Variants in PKP4 observed in about 807,000 individuals in gnomAD.
The protein encoded by PKP4 is plakophilin 4.
In PKP4, 90 loss-of-function variants were observed where a neutral mutation model predicts 145.1. The observed-to-expected ratio is 0.62, with a 90% confidence interval of 0.52 to 0.74. PKP4 has a LOEUF of 0.74. PKP4 is among the 30% of genes least tolerant of loss of function. The pLI, the probability that PKP4 is intolerant of heterozygous loss-of-function variation, is 0.00. For synonymous variants in PKP4, 563 were observed against 577.2 expected (o/e 0.98, Z 0.35); for missense variants, 1,340 against 1,482.7 (o/e 0.90, Z 1.58).
chr2:158,674,546 C>T (rs371104019), intron 19 of PKP4, among the ~76,000 whole-genome samples: 35 of 152,348 alleles, frequency 2.3e-4, no homozygotes, highest in African/African-American at 8.2e-4. Flanking sequence ...CCAGCATCTG[C>T]TGCTAATGGA....
Position 158,624,978 on chromosome 2 carries a change from G to A in PKP4, c.704G>A (p.Gly235Glu). The change falls in exon 7 of 22, where the codon GGG becomes GAG. Residue 235 changes from glycine to glutamate, a missense_variant. By Grantham distance (98) the Gly-to-Glu change is moderately conservative. Coordinates refer to ENST00000389759, the MANE Select transcript of PKP4 (RefSeq NM_003628.6). ...VISTGVSPSR[G>E]SLRTSLGSGF... is the part of the protein sequence containing the mutation. Reference sequence around the variant, plus strand: ...AGCACAGGCGTGTCTCCTTCAAGGGGGTCTCTGAGAACTTCTCTGGGTAGT... The same window carrying A: ...AGCACAGGCGTGTCTCCTTCAAGGGAGTCTCTGAGAACTTCTCTGGGTAGT... The A allele has an allele frequency of 1.2e-6, 2 of 1,614,092 alleles. No individual in the cohort carries two copies. The highest frequency in any genetic ancestry group is 3.3e-5 in the Admixed American group (2 of 60,008).
At chr2:158,544,575 A>G (rs2044809981) in intron 2 of PKP4, among the ~76,000 whole-genome samples, 1 of 152,118 alleles carries the variant, frequency 6.6e-6, no homozygotes, top group Non-Finnish European at 1.5e-5. Context: ...CATTCTGATG[A>G]TATGTAGGCT....
chr2:158,508,366 CAAAA>C (rs747754927), intron 1 of PKP4, among the ~76,000 whole-genome samples: 3 of 115,886 alleles, frequency 2.6e-5, no homozygotes, highest in South Asian at 5.1e-4. Context: ...AACTCCGTCT[CAAAA>C]AAAAAAAAAA....
chr2:158,676,919 A>G, intron 20 of PKP4, 52 bp downstream of exon 20: 2 of 1,611,978 alleles, frequency 1.2e-6, no homozygotes, highest in Non-Finnish European at 1.7e-6. Flanking sequence ...CCGCATTTCC[A>G]GGCGCTTGGC....
intron 9 of PKP4, among the ~76,000 whole-genome samples, chr2:158,636,605 T>TC (rs2053831072): frequency 6.6e-6 from 1 of 152,182 alleles, no homozygotes. Flanking sequence ...AGTTTTTTTT[T>TC]CTGCCCCAAA....
At chr2:158,668,191 G>A (rs1303790469) in intron 16 of PKP4, among the ~76,000 whole-genome samples, 16 of 142,942 alleles carry the variant, frequency 1.1e-4, no homozygotes, top group Admixed American at 3.5e-4. Context: ...TTTTTAACCT[G>A]GCTGGAGCAC....
intron 1 of PKP4, among the ~76,000 whole-genome samples, chr2:158,521,869 G>A (rs751930712): frequency 1.3e-5 from 2 of 152,016 alleles, no homozygotes; most frequent in Admixed American, 6.6e-5. Context: ...AAAATATTTT[G>A]TTCATCTAAT....
intron 21 of PKP4, chr2:158,678,864 T>G: frequency 1.7e-6 from 1 of 589,970 alleles, no homozygotes; most frequent in South Asian, 2.1e-5. Context: ...TCGGTACTGC[T>G]GAGACCACCG....
intron 17 of PKP4, among the ~76,000 whole-genome samples, chr2:158,672,335 T>G (rs917679344): frequency 6.6e-6 from 1 of 152,246 alleles, no homozygotes; most frequent in Non-Finnish European, 1.5e-5. Context: ...GCTTTTCTCA[T>G]GGGTCAGGTT....
intron 12 of PKP4, 66 bp from the exon 13 acceptor site, chr2:158,661,267 T>C: frequency 1.7e-6 from 2 of 1,183,028 alleles, no homozygotes; most frequent in Non-Finnish European, 2.5e-6. Flanking sequence ...ATCCTTAAGG[T>C]TAAGTCCACG....
chr2:158,617,550 T>C (rs1182680041), intron 4 of PKP4, among the ~76,000 whole-genome samples: 1 of 152,226 alleles, frequency 6.6e-6, no homozygotes. Context: ...GTATCTTTCA[T>C]TCCACATAGC....
Position 158,642,595 on chromosome 2 carries a change from C to T in PKP4, c.1805C>T (p.Ser602Phe), listed in dbSNP as rs771887016. 1.2e-6 allele frequency: 2 copies of T among 1,613,600 alleles called. No homozygotes were observed. Among genetic ancestry groups the T allele is most frequent in the Non-Finnish European group, 1.7e-6 (2 of 1,179,698 alleles). The change falls in exon 11 of 22, where the codon TCT becomes TTT. Residue 602 changes from serine (S) to phenylalanine (F), a missense_variant. Physicochemically the swap from Ser to Phe is radical, Grantham distance 155. Transcript: ENST00000389759. ...GALRNLVFGK[S>F]TDENKIAMKN... ...CTTCGAAACCTCGTTTTTGGCAAGT[C>T]TACAGATGAAAATAAAATAGCAATG...
At chr2:158,551,641 G>A (rs2045635072) in intron 2 of PKP4, among the ~76,000 whole-genome samples, 1 of 152,102 alleles carries the variant, frequency 6.6e-6, no homozygotes, top group African/African-American at 2.4e-5. Context: ...TTTACTTTAT[G>A]CAGAAGTATT....
At position 158,480,923 on chromosome 2, in the gene PKP4, A is replaced by T. The variant is rs200782072; in HGVS notation, c.-6+23705A>T. On this transcript the variant is annotated intron_variant, in intron 1 of 21. Transcript: ENST00000389759. ...ACCACTAATCTTTCTGTCTTTATGG[A>T]TTCGCCTCTTCTGGACATTTCATGA... Among the ~76,000 whole-genome samples, 38 of 152,156 alleles carry T rather than the reference A, an allele frequency of 2.5e-4. No homozygotes were observed. The East Asian group carries it at 7.4e-3, about 29-fold the overall frequency.
intron 17 of PKP4, among the ~76,000 whole-genome samples, chr2:158,671,678 A>C (rs1010103815): frequency 1.3e-5 from 2 of 152,262 alleles, no homozygotes; most frequent in Non-Finnish European, 2.9e-5. Context: ...GGCTTGCAGC[A>C]GCAGACAGGT....
intron 17 of PKP4, 133 bp from the exon 18 acceptor site, chr2:158,673,544 G>A (rs1439468810): frequency 2.9e-6 from 2 of 699,260 alleles, no homozygotes; most frequent in Non-Finnish European, 5.1e-6. Flanking sequence ...TTTGTGGTGT[G>A]TCCTGCAGTA....
intron 1 of PKP4, among the ~76,000 whole-genome samples, chr2:158,517,746 G>A (rs1245856478): frequency 2.1e-5 from 3 of 146,216 alleles, no homozygotes; most frequent in Non-Finnish European, 3.1e-5. Context: ...ATGACACCCC[G>A]ACTCTACAAA....
intron 1 of PKP4, among the ~76,000 whole-genome samples, chr2:158,470,149 C>T (rs1691320737): frequency 6.6e-6 from 1 of 152,212 alleles, no homozygotes; most frequent in African/African-American, 2.4e-5. Flanking sequence ...GTAATTCTCT[C>T]ATGTAGCAGT....
chr2:158,488,079 C>G (rs2105455427), intron 1 of PKP4, among the ~76,000 whole-genome samples: 1 of 152,252 alleles, frequency 6.6e-6, no homozygotes, highest in Admixed American at 6.5e-5. Context: ...CCTATATCCA[C>G]AAATTTATTA....
Sources: allele counts gnomAD v4.1 joint callset (sites outside exome capture counted in the v4.1 genomes callset), GRCh38; gene constraint gnomAD v4.1.1; transcripts MANE v1.5; gene names NCBI Gene and HGNC (gene_info 2026-07-23, HGNC 2026-07-21).